The following SARDH variants were observed in gnomAD, a reference collection of about 807,000 sequenced individuals.
SARDH encodes the protein sarcosine dehydrogenase, mitochondrial.
A neutral mutation model predicts 109.1 loss-of-function variants in SARDH; 95 were observed. That is an observed-to-expected ratio of 0.87 (90% CI 0.74 to 1.03). SARDH has a LOEUF of 1.03. Among genes scored for constraint, SARDH ranks in the 50% least tolerant of loss-of-function variants. The pLI is 0.00. For missense variants in SARDH, 1,267 were observed against 1,287.8 expected, an observed-to-expected ratio of 0.98 and a Z score of 0.25; for synonymous variants, 572 against 534.8, an observed-to-expected ratio of 1.07 and a Z score of -0.96.
chr9:133,702,615 A>T (rs1343902004), intron 13 of SARDH, among the ~76,000 whole-genome samples: 1 of 152,164 alleles, frequency 6.6e-6, no homozygotes, highest in Non-Finnish European at 1.5e-5. Flanking sequence ...GGAGGCTCAG[A>T]GCGGTGCAGC....
chr9:133,732,995 C>G (rs568110203), intron 2 of SARDH, among the ~76,000 whole-genome samples: 1 of 152,290 alleles, frequency 6.6e-6, no homozygotes, highest in East Asian at 1.9e-4. Context: ...AGACACCAAC[C>G]CACTACTGAA....
At chr9:133,713,672 G>A (rs904643545) in intron 8 of SARDH, among the ~76,000 whole-genome samples, 1 of 152,264 alleles carries the variant, frequency 6.6e-6, no homozygotes, top group Non-Finnish European at 1.5e-5. Flanking sequence ...GGCGGCCACA[G>A]CTGAGCCTCA....
At position 133,692,873 on chromosome 9, in the gene SARDH, G is replaced by C. The variant is rs1446713526; in HGVS notation, c.1921+1385C>G. ...ACGTCGCCAACGGCAGGAGGGAAGG[G>C]GTGGGCGAGCTCTGCGCACCCCATA... On this transcript the variant is annotated intron_variant, in intron 15 of 20. Coordinates refer to ENST00000439388, the MANE Select transcript of SARDH (RefSeq NM_001134707.2). The surrounding 1 kb of genome is among the most constrained non-coding windows in gnomAD (Gnocchi z 5.0). Among the ~76,000 whole-genome samples, 2 of 152,134 alleles carry C rather than the reference G, an allele frequency of 1.3e-5. No individual in the cohort carries two copies. Among genetic ancestry groups the C allele is most frequent in the African/African-American group, 4.8e-5 (2 of 41,426 alleles).
intron 16 of SARDH, among the ~76,000 whole-genome samples, chr9:133,690,143 G>A (rs775778398): frequency 6.6e-6 from 1 of 152,194 alleles, no homozygotes; most frequent in Non-Finnish European, 1.5e-5. Flanking sequence ...TCCCCTCTGG[G>A]ATCCTGGGGT....
intron 13 of SARDH, among the ~76,000 whole-genome samples, chr9:133,701,214 T>C (rs1307549241): frequency 1.3e-5 from 2 of 152,184 alleles, no homozygotes; most frequent in African/African-American, 4.8e-5. Flanking sequence ...GGAGAAAGCA[T>C]TTACATCAGG....
rs563023384 is a variant in SARDH, at chr9:133,704,707, A to T, written c.1554+241T>A. ...CACTTAGGCCATGGAAGGCCTGGCC[A>T]CAGCGGACGGGTAGTGGGGAGGACG... is the stretch of plus-strand genomic sequence containing the variant. On this transcript the variant is annotated intron_variant, in intron 12 of 20. Coordinates refer to ENST00000439388, the MANE Select transcript of SARDH (RefSeq NM_001134707.2). The surrounding 1 kb of genome is among the most constrained non-coding windows in gnomAD (Gnocchi z 4.5). Among the ~76,000 whole-genome samples, 39 of 152,328 alleles carry T rather than the reference A, an allele frequency of 2.6e-4. No homozygotes were observed. The highest frequency in any genetic ancestry group is 9.1e-4 in the African/African-American group (38 of 41,574).
chr9:133,718,813 G>C lies in SARDH; in HGVS notation c.1020+125C>G. ...GGCTTTGAGCTTGGTGGGGTCAGGG[G>C]ACCGGCCACTTCTCAGGTGTGCCTC... On this transcript the variant is annotated intron_variant, in intron 7 of 20. Coordinates refer to ENST00000439388, the MANE Select transcript of SARDH (RefSeq NM_001134707.2). The surrounding 1 kb of genome is among the most constrained non-coding windows in gnomAD (Gnocchi z 4.2). 1.2e-6 allele frequency: 1 copy of C among 840,106 alleles called. No individual in the cohort carries two copies. The highest frequency in any genetic ancestry group is 1.3e-5 in the South Asian group (1 of 75,510). The allele number at this position is 840,106 out of a possible 1,614,324, so 52.0% of individuals were successfully genotyped here.
At chr9:133,735,887 T>TTCA (rs1564306182) in intron 1 of SARDH, among the ~76,000 whole-genome samples, 1 of 151,752 alleles carries the variant, frequency 6.6e-6, no homozygotes, top group Non-Finnish European at 1.5e-5. Flanking sequence ...CTACTAAAAA[T>TTCA]ACATTAGCCG....
At chr9:133,677,154 A>G (rs925905995) in intron 17 of SARDH, among the ~76,000 whole-genome samples, 9 of 152,050 alleles carry the variant, frequency 5.9e-5, no homozygotes, top group African/African-American at 2.2e-4. Context: ...CATAAGACAG[A>G]GAGAGAGGCC....
intron 20 of SARDH, 42 bp from the exon 21 acceptor site, chr9:133,664,056 G>A: frequency 1.2e-6 from 2 of 1,602,716 alleles, no homozygotes; most frequent in South Asian, 1.1e-5. Context: ...TCTGTTGGTA[G>A]GTACAGGGCT....
At chr9:133,676,448 T>C (rs1830514928) in intron 17 of SARDH, among the ~76,000 whole-genome samples, 3 of 152,180 alleles carry the variant, frequency 2.0e-5, no homozygotes, top group Non-Finnish European at 2.9e-5. Context: ...AATGTGAACA[T>C]ACTTAACACT....
At chr9:133,726,640 C>G (rs1832503224) in intron 6 of SARDH, among the ~76,000 whole-genome samples, 1 of 152,180 alleles carries the variant, frequency 6.6e-6, no homozygotes, top group Non-Finnish European at 1.5e-5. Flanking sequence ...CCTGGCCTTT[C>G]TCTCCAGGCA....
At chr9:133,695,973 G>A (rs1831271865) in intron 14 of SARDH, among the ~76,000 whole-genome samples, 1 of 152,096 alleles carries the variant, frequency 6.6e-6, no homozygotes, top group South Asian at 2.1e-4. Context: ...CTTTCTGGAA[G>A]AGTAGAGAGG....
At position 133,694,467 on chromosome 9, in the gene SARDH, T is replaced by C. The variant is rs1029430999; in HGVS notation, c.1808-96A>G. Reference sequence around the variant, plus strand: ...AGGGCCGCTCACAGGGGCAGCTCCTTGTCACGGAGGCTGGATAACCCCCAG... The same window carrying C: ...AGGGCCGCTCACAGGGGCAGCTCCTCGTCACGGAGGCTGGATAACCCCCAG... On this transcript the variant is annotated intron_variant, in intron 14 of 20. Transcript: ENST00000439388. 3.0e-6 allele frequency: 3 copies of C among 1,005,626 alleles called. No homozygotes were observed. In the African/African-American group the frequency reaches 4.8e-5, roughly 16 times the overall value. 62.3% of individuals were successfully genotyped at this position (1,005,626 alleles called of 1,614,324 possible).
chr9:133,682,370 C>T (rs573654504), intron 17 of SARDH, among the ~76,000 whole-genome samples: 1 of 152,296 alleles, frequency 6.6e-6, no homozygotes, highest in East Asian at 1.9e-4. Flanking sequence ...TCACAGATGA[C>T]GGAAAGAAGA....
intron 4 of SARDH, 99 bp downstream of exon 4, chr9:133,731,206 A>C: frequency 6.8e-7 from 1 of 1,466,456 alleles, no homozygotes; most frequent in Non-Finnish European, 9.2e-7. Flanking sequence ...CACAGCAGTC[A>C]GAGAATGGCT....
chr9:133,661,130 G>A (rs942495026), downstream of SARDH, among the ~76,000 whole-genome samples: 8 of 151,942 alleles, frequency 5.3e-5, no homozygotes, highest in Non-Finnish European at 1.0e-4. Context: ...ACCTGAGGTC[G>A]GTAGTTCGAG....
At chr9:133,706,206 C>T (rs1264605229) in intron 11 of SARDH, among the ~76,000 whole-genome samples, 8 of 152,110 alleles carry the variant, frequency 5.3e-5, no homozygotes, top group Admixed American at 5.2e-4. Flanking sequence ...GGAGAGAACC[C>T]CCGTGGCCCT....
intron 17 of SARDH, among the ~76,000 whole-genome samples, chr9:133,676,652 C>T (rs531294180): frequency 8.5e-5 from 13 of 152,202 alleles, no homozygotes; most frequent in African/African-American, 2.9e-4. Context: ...GGCCCTGGGC[C>T]GGACAGGAAG....
Sources: allele counts gnomAD v4.1 joint callset (sites outside exome capture counted in the v4.1 genomes callset), GRCh38; gene constraint gnomAD v4.1.1; non-coding constraint Gnocchi (gnomAD v3.1); transcripts MANE v1.5; gene names NCBI Gene and HGNC (gene_info 2026-07-23, HGNC 2026-07-21).